Variants in CFAP77 observed in about 807,000 individuals in gnomAD.
The protein encoded by CFAP77 is cilia and flagella associated protein 77.
CFAP77 carries 25 observed loss-of-function variants against 31.1 expected under a neutral mutation model. That is an observed-to-expected ratio of 0.80 (90% confidence interval 0.59 to 1.12). The LOEUF (loss-of-function observed/expected upper bound fraction) is 1.12. CFAP77 is among the 50% of genes most tolerant of loss of function. The pLI is 0.00. For synonymous variants in CFAP77, 151 were observed against 159.9 expected (o/e 0.94, Z 0.42); for missense variants, 377 against 397.3 (o/e 0.95, Z 0.44).
intron 4 of CFAP77, among the ~76,000 whole-genome samples, chr9:132,538,265 A>G (rs1370899210): frequency 6.6e-6 from 1 of 152,214 alleles, no homozygotes; most frequent in Non-Finnish European, 1.5e-5. Context: ...ATGCTACCAA[A>G]GCCACAAGGC....
chr9:132,548,558 G>A (rs1852771884), intron 5 of CFAP77, among the ~76,000 whole-genome samples: 1 of 152,154 alleles, frequency 6.6e-6, no homozygotes, highest in Non-Finnish European at 1.5e-5. Flanking sequence ...GGTCAGGGCT[G>A]TGCCCCAGCA....
rs561733126 is a variant in CFAP77, at chr9:132,458,553, A to C, written c.196-40142A>C. On this transcript the variant is annotated intron_variant, in intron 1 of 5. Transcript: ENST00000393216. ...CATAGGTCAGGTCCGCACAGGACAG[A>C]GTGAAATGGAGACAGTGAGTTGGGG... Among the ~76,000 whole-genome samples the C allele has an allele frequency of 2.6e-5, 4 of 152,328 alleles. No homozygotes were observed. The South Asian group carries it at 8.3e-4, about 32-fold the overall frequency.
intron 1 of CFAP77, among the ~76,000 whole-genome samples, chr9:132,428,360 C>G (rs747234116): frequency 2.0e-5 from 3 of 151,982 alleles, no homozygotes; most frequent in Non-Finnish European, 4.4e-5. Context: ...GTGGCTCACA[C>G]CTGTAATCCC....
At chr9:132,489,829 G>A (rs1851623544) in intron 1 of CFAP77, among the ~76,000 whole-genome samples, 2 of 152,130 alleles carry the variant, frequency 1.3e-5, no homozygotes, top group African/African-American at 4.8e-5. Context: ...GGCTGATGGG[G>A]CACCGGGTGG....
chr9:132,437,374 G>A (rs1007570265), intron 1 of CFAP77, among the ~76,000 whole-genome samples: 1 of 152,234 alleles, frequency 6.6e-6, no homozygotes, highest in Non-Finnish European at 1.5e-5. Context: ...CCAGTATTAC[G>A]GGTTCAAACT....
intron 1 of CFAP77, among the ~76,000 whole-genome samples, chr9:132,477,409 T>C (rs1360559479): frequency 6.6e-6 from 1 of 152,124 alleles, no homozygotes; most frequent in African/African-American, 2.4e-5. Flanking sequence ...AGAGCTTGTT[T>C]TAGGGAGAAG....
intron 3 of CFAP77, among the ~76,000 whole-genome samples, chr9:132,503,650 A>T (rs1243223019): frequency 6.6e-6 from 1 of 152,158 alleles, no homozygotes; most frequent in East Asian, 1.9e-4. Flanking sequence ...GGTGGGCAGG[A>T]TTACTATCCA....
At chr9:132,462,828 AAAAT>A (rs1484887242) in intron 1 of CFAP77, among the ~76,000 whole-genome samples, 211 of 151,344 alleles carry the variant, frequency 1.4e-3, no homozygotes, top group South Asian at 4.4e-3. Context: ...AAATAAAAAT[AAAAT>A]AAAATAAAGA....
At chr9:132,450,795 G>A (rs542897111) in intron 1 of CFAP77, among the ~76,000 whole-genome samples, 99 of 152,326 alleles carry the variant, frequency 6.5e-4, no homozygotes, top group Middle Eastern at 3.4e-3. Flanking sequence ...GAGAGAGCCC[G>A]GATTGGAGCG....
At chr9:132,523,240 A>G (rs978994859) in intron 3 of CFAP77, among the ~76,000 whole-genome samples, 3 of 152,070 alleles carry the variant, frequency 2.0e-5, no homozygotes, top group African/African-American at 7.2e-5. Flanking sequence ...GGCACCTGCC[A>G]CCATGCCCGG....
intron 5 of CFAP77, among the ~76,000 whole-genome samples, chr9:132,559,056 A>G (rs568785481): frequency 6.6e-6 from 1 of 151,852 alleles, no homozygotes; most frequent in South Asian, 2.1e-4. Context: ...ACTCAATTTA[A>G]AAATGGGTGG....
At chr9:132,556,902 T>C (rs1280318161) in intron 5 of CFAP77, among the ~76,000 whole-genome samples, 1 of 152,096 alleles carries the variant, frequency 6.6e-6, no homozygotes, top group Non-Finnish European at 1.5e-5. Context: ...CGCAAATTAC[T>C]GACACAAAAC....
chr9:132,465,201 G>A (rs1055210947), intron 1 of CFAP77, among the ~76,000 whole-genome samples: 4 of 152,014 alleles, frequency 2.6e-5, no homozygotes, highest in South Asian at 4.2e-4. Flanking sequence ...CTTAAAAGTC[G>A]AATTCACATA....
At chr9:132,452,080 G>A (rs1041680917) in intron 1 of CFAP77, among the ~76,000 whole-genome samples, 2 of 152,176 alleles carry the variant, frequency 1.3e-5, no homozygotes, top group Non-Finnish European at 2.9e-5. Context: ...TGGGATTATA[G>A]GTGTGAGCCA....
At chr9:132,447,628 C>G (rs503623) in intron 1 of CFAP77, among the ~76,000 whole-genome samples, 70,547 of 152,120 alleles carry the variant, frequency 0.46, 18,489 homozygotes, top group African/African-American at 0.72. Flanking sequence ...TTACACACAG[C>G]GTGTCCGCCG....
chr9:132,486,090 A>ATATATT (rs1281539306), intron 1 of CFAP77, among the ~76,000 whole-genome samples: 1 of 15,356 alleles, frequency 6.5e-5, no homozygotes, highest in African/African-American at 4.3e-4. Flanking sequence ...ATATATATAT[A>ATATATT]TTTTTTTTTT....
chr9:132,486,004 A>ATGTGTGTG (rs1342903703), intron 1 of CFAP77, among the ~76,000 whole-genome samples: 31 of 10,708 alleles, frequency 2.9e-3, no homozygotes, highest in African/African-American at 8.2e-3. Flanking sequence ...ATATATATAT[A>ATGTGTGTG]TATATATATA....
chr9:132,423,531 G>A (rs538631568), intron 1 of CFAP77, among the ~76,000 whole-genome samples: 38 of 152,120 alleles, frequency 2.5e-4, no homozygotes, highest in African/African-American at 8.2e-4. Context: ...TGGGGAAGCC[G>A]AGGCTTATAG....
rs1336473195 is a variant in CFAP77, at chr9:132,552,263, C to G, written c.732+9216C>G. 1.3e-5 allele frequency among the ~76,000 whole-genome samples: 2 copies of G among 152,170 alleles called. No homozygotes were observed. Among genetic ancestry groups the G allele is most frequent in the Non-Finnish European group, 2.9e-5 (2 of 68,026 alleles). ...CAAGTGCAATCATGCGTGTGAAGCG[C>G]GTGGCACAGGCCTGGCTAGGGGACG... On this transcript the variant is annotated intron_variant, in intron 5 of 5. Transcript: ENST00000393216. The surrounding 1 kb of genome is among the most constrained non-coding windows in gnomAD (Gnocchi z 5.5).
Sources: allele counts gnomAD v4.1 joint callset (sites outside exome capture counted in the v4.1 genomes callset), GRCh38; gene constraint gnomAD v4.1.1; non-coding constraint Gnocchi (gnomAD v3.1); transcripts MANE v1.5; gene names NCBI Gene and HGNC (gene_info 2026-07-23, HGNC 2026-07-21).